The following MBTPS1 variants were observed in gnomAD, a reference collection of about 807,000 sequenced individuals.
MBTPS1 encodes membrane-bound transcription factor site-1 protease.
Under a neutral mutation model 127.8 loss-of-function variants are expected in MBTPS1, and 94 were observed. The observed-to-expected ratio is 0.74, with a 90% CI of 0.62 to 0.87. MBTPS1 has a LOEUF of 0.87. Ranked by LOEUF, MBTPS1 falls within the 40% of genes least tolerant of loss-of-function variation. MBTPS1 has a pLI of 0.00. For missense variants in MBTPS1, 1,636 were observed against 1,353.2 expected (o/e 1.21, Z -3.28); for synonymous variants, 632 against 509.4 (o/e 1.24, Z -3.24).
intron 8 of MBTPS1, among the ~76,000 whole-genome samples, chr16:84,088,531 C>T (rs920805556): frequency 6.6e-6 from 1 of 152,164 alleles, no homozygotes; most frequent in Non-Finnish European, 1.5e-5. Context: ...ACCACCTTCC[C>T]ACCCTCCTCT....
chr16:84,090,974 TCC>T (rs755069001), intron 7 of MBTPS1, 32 bp from the exon 8 acceptor site: 3 of 1,335,728 alleles, frequency 2.2e-6, no homozygotes. Context: ...AATGAAAGTA[TCC>T]CTTTCATTAA....
At position 84,087,960 on chromosome 16, in the gene MBTPS1, G is replaced by A. The variant is rs192681466; in HGVS notation, c.1032-500C>T. On this transcript the variant is annotated intron_variant, in intron 8 of 22. Transcript: ENST00000343411. ...CAAGGTCAGGAAGTGGTAAGTTTTC[G>A]ATTGACCTGTGGTGGTGTTCTACCC... is the stretch of plus-strand genomic sequence containing the variant. Among the ~76,000 whole-genome samples the A allele has an allele frequency of 3.7e-3, 569 of 152,234 alleles. 3 individuals carry two copies. The highest frequency in any genetic ancestry group is 0.013 in the African/African-American group (532 of 41,540).
rs926983846 is a variant in MBTPS1, at chr16:84,098,864, GC to G, written c.421+188del. Among the ~76,000 whole-genome samples, 5 of 151,700 alleles carry G rather than the reference GC, an allele frequency of 3.3e-5. No individual in the cohort carries two copies. In the East Asian group the frequency reaches 7.7e-4, roughly 23 times the overall value. On this transcript the variant is annotated intron_variant, in intron 3 of 22. Coordinates refer to ENST00000343411, the MANE Select transcript of MBTPS1 (RefSeq NM_003791.4). ...AAGTCTCTTTTTAAAAAATAATTCTGCCCCCCCAACACCGACCCTGCGCACT... is the reference window on the plus strand; with the variant it reads ...AAGTCTCTTTTTAAAAAATAATTCTGCCCCCCAACACCGACCCTGCGCACT...
At chr16:84,099,559 G>A (rs1228613692) in intron 2 of MBTPS1, among the ~76,000 whole-genome samples, 1 of 152,112 alleles carries the variant, frequency 6.6e-6, no homozygotes, top group Non-Finnish European at 1.5e-5. Flanking sequence ...GCTGACGTGG[G>A]CAGATTACGA....
In MBTPS1 at chr16:84,084,701, T is replaced by A. The variant is rs376029846; in HGVS notation, c.1286+282A>T. ...ACAGTTCTAGCACATAAATGGGATATTAGAAAACAGAACACAAACATAAAG... is the reference window on the plus strand; with the variant it reads ...ACAGTTCTAGCACATAAATGGGATAATAGAAAACAGAACACAAACATAAAG... On this transcript the variant is annotated intron_variant, in intron 10 of 22. Coordinates refer to ENST00000343411, the MANE Select transcript of MBTPS1 (RefSeq NM_003791.4). 3.8e-3 allele frequency among the ~76,000 whole-genome samples: 580 copies of A among 152,350 alleles called. 4 individuals are homozygous for A. Among genetic ancestry groups the A allele is most frequent in the African/African-American group, 0.013 (543 of 41,588 alleles).
chr16:84,063,525 G>A (rs528092317), intron 18 of MBTPS1, 80 bp from the exon 19 acceptor site: 3 of 1,345,644 alleles, frequency 2.2e-6, no homozygotes, highest in African/African-American at 1.4e-5. Context: ...TCATCCACGT[G>A]ACAAATAAAC....
At chr16:84,083,419 G>A (rs917765682) in intron 10 of MBTPS1, among the ~76,000 whole-genome samples, 7 of 152,056 alleles carry the variant, frequency 4.6e-5, no homozygotes, top group Non-Finnish European at 7.4e-5. Flanking sequence ...AACTGTAAGG[G>A]AAGAACAGAG....
intron 2 of MBTPS1, among the ~76,000 whole-genome samples, chr16:84,101,279 AAC>A (rs988708331): frequency 6.6e-6 from 1 of 151,998 alleles, no homozygotes; most frequent in Non-Finnish European, 1.5e-5. Context: ...CAGCCTCAGC[AAC>A]AGAGTGAGAC....
intron 9 of MBTPS1, 91 bp downstream of exon 9, chr16:84,087,267 C>T: frequency 2.0e-6 from 2 of 993,020 alleles, no homozygotes; most frequent in Non-Finnish European, 1.6e-6. Flanking sequence ...TGTGCACTTA[C>T]AAATACACCC....
At chr16:84,090,997 G>C (rs8045891) in intron 7 of MBTPS1, 55 bp from the exon 8 acceptor site, 2 of 915,076 alleles carry the variant, frequency 2.2e-6, no homozygotes, top group East Asian at 5.1e-5. Context: ...ACATATAACT[G>C]TCAAAAAAAA....
chr16:84,082,969 C>T (rs1215722221), intron 10 of MBTPS1, among the ~76,000 whole-genome samples: 1 of 152,160 alleles, frequency 6.6e-6, no homozygotes, highest in Non-Finnish European at 1.5e-5. Context: ...GTTTCATCTG[C>T]TGCAGGGAGA....
intron 17 of MBTPS1, 61 bp downstream of exon 17, chr16:84,066,428 C>A: frequency 1.3e-6 from 2 of 1,564,332 alleles, no homozygotes; most frequent in Non-Finnish European, 1.7e-6. Flanking sequence ...ATCTAGACTT[C>A]AGAGGTGTAG....
rs2085593364 is a variant in MBTPS1, at chr16:84,060,494, G to A, written c.2704+188C>T. On this transcript the variant is annotated intron_variant, in intron 20 of 22. Transcript: ENST00000343411. ...CTGGGTCCTCGATCATGGCCCTCTG[G>A]GGACTAAGGATGGCCTCTCGGCAGG... 1.4e-5 allele frequency: 8 copies of A among 591,416 alleles called. No homozygotes were observed. The South Asian group carries it at 1.8e-4, about 14-fold the overall frequency. 36.6% of individuals were successfully genotyped at this position (591,416 alleles called of 1,614,324 possible). A position where few individuals can be genotyped will look rare whatever the true frequency, so the allele number is the denominator to read the frequency against.
At chr16:84,108,408 C>G (rs2086354254) in intron 1 of MBTPS1, among the ~76,000 whole-genome samples, 1 of 152,126 alleles carries the variant, frequency 6.6e-6, no homozygotes, top group Admixed American at 6.5e-5. Context: ...GAATTACAGG[C>G]ACACGCCACC....
chr16:84,108,768 G>C (rs903170878), intron 1 of MBTPS1, among the ~76,000 whole-genome samples: 1 of 152,206 alleles, frequency 6.6e-6, no homozygotes, highest in African/African-American at 2.4e-5. Flanking sequence ...AAGTGAAGAA[G>C]GCACCAGGCA....
chr16:84,102,255 G>A (rs1341562979), intron 1 of MBTPS1, 148 bp from the exon 2 acceptor site: 1 of 153,256 alleles, frequency 6.5e-6, no homozygotes, highest in African/African-American at 2.4e-5. Context: ...GCTGAGGTGG[G>A]AAGATCACTT....
rs61479777 is a variant in MBTPS1, at chr16:84,107,708, A to ATTT, written c.-324-5604_-324-5602dup. Among the ~76,000 whole-genome samples, 102 of 144,534 alleles carry ATTT rather than the reference A, an allele frequency of 7.1e-4. 1 individual carries two copies. Among genetic ancestry groups the ATTT allele is most frequent in the African/African-American group, 1.5e-3 (57 of 39,262 alleles). The allele number at this position is 144,534 out of a possible 152,430, so 94.8% of individuals were successfully genotyped here. Reference sequence around the variant, plus strand: ...TACCAACCCCCGAACTCCTGGGCCTATTTTTTTTTTTTTTGAGACAGGGTC... The same window carrying ATTT: ...TACCAACCCCCGAACTCCTGGGCCTATTTTTTTTTTTTTTTTTGAGACAGGGTC... On this transcript the variant is annotated intron_variant, in intron 1 of 22. Coordinates refer to ENST00000343411, the MANE Select transcript of MBTPS1 (RefSeq NM_003791.4).
chr16:84,055,989 G>A lies in MBTPS1; in HGVS notation c.2962+16C>T. 6.2e-7 allele frequency: 1 copy of A among 1,604,382 alleles called. No individual in the cohort carries two copies. The highest frequency in any genetic ancestry group is 8.5e-7 in the Non-Finnish European group (1 of 1,173,452). On this transcript the variant is annotated intron_variant, in intron 22 of 22. Coordinates refer to ENST00000343411, the MANE Select transcript of MBTPS1 (RefSeq NM_003791.4). ...CAGGATGACTGAGCACAATCACAAA[G>A]CAGCCGAGAACTCACCTCCAGGAAT...
Position 84,080,041 on chromosome 16 carries a change from G to A in MBTPS1, c.1448+1706C>T, listed in dbSNP as rs903282970. Among the ~76,000 whole-genome samples the A allele has an allele frequency of 9.2e-5, 14 of 152,182 alleles. 1 individual carries two copies. The highest frequency in any genetic ancestry group is 6.5e-4 in the Admixed American group (10 of 15,280). On this transcript the variant is annotated intron_variant, in intron 11 of 22. Coordinates refer to ENST00000343411, the MANE Select transcript of MBTPS1 (RefSeq NM_003791.4). ...AGAGGTGCATGACAGGACATCCTGT[G>A]CTGCCAGGAAGACAGAAAGTGCTCA...
Sources: gnomAD v4.1 joint callset for allele counts (sites outside exome capture counted in the v4.1 genomes callset) on GRCh38, gnomAD v4.1.1 for gene constraint, MANE v1.5 for transcripts, NCBI Gene and HGNC (gene_info 2026-07-23, HGNC 2026-07-21) for gene names.